Variants in ZPLD1 observed in about 807,000 individuals in gnomAD.
ZPLD1 encodes zona pellucida-like domain-containing protein 1.
Under a neutral mutation model 47.2 loss-of-function variants are expected in ZPLD1, and 34 were observed. The ratio of observed to expected loss-of-function variants is 0.72; its 90% CI spans 0.55 to 0.96. The LOEUF is 0.96. Among genes scored for constraint, ZPLD1 ranks in the 40% least tolerant of loss-of-function variants. The probability of loss-of-function intolerance (pLI) is 0.00; values close to 1 mark genes in which losing one functional copy is unlikely to be tolerated. For missense variants in ZPLD1, 512 were observed against 505.8 expected, an observed-to-expected ratio of 1.01 and a Z score of -0.12; for synonymous variants, 176 against 186.2, an observed-to-expected ratio of 0.95 and a Z score of 0.45.
chr3:102,391,036 T>C (rs1253129408), intron 6 of ZPLD1, among the ~76,000 whole-genome samples: 2 of 152,156 alleles, frequency 1.3e-5, no homozygotes, highest in East Asian at 1.9e-4. Context: ...GGAAATGATA[T>C]GTTTAACACA....
chr3:102,405,504 G>A (rs966581361), intron 7 of ZPLD1, among the ~76,000 whole-genome samples: 1 of 151,974 alleles, frequency 6.6e-6, no homozygotes, highest in Non-Finnish European at 1.5e-5. Flanking sequence ...AGGTCATGTG[G>A]TATAAGGAAC....
At chr3:102,471,158 G>A (rs1200998108) in intron 10 of ZPLD1, among the ~76,000 whole-genome samples, 4 of 152,128 alleles carry the variant, frequency 2.6e-5, no homozygotes, top group Non-Finnish European at 5.9e-5. Flanking sequence ...TAATTTGAGT[G>A]CGCTGCAGCC....
intron 8 of ZPLD1, among the ~76,000 whole-genome samples, chr3:102,421,600 A>G (rs970596492): frequency 2.0e-5 from 3 of 151,906 alleles, no homozygotes; most frequent in African/African-American, 7.2e-5. Context: ...ATTTTCTAAA[A>G]TTATTTATCA....
At chr3:102,460,524 A>G (rs189281091) in intron 6 of ZPLD1, among the ~76,000 whole-genome samples, 177 of 152,140 alleles carry the variant, frequency 1.2e-3, no homozygotes, top group Non-Finnish European at 1.9e-3. Context: ...GCCTTTGTGT[A>G]TTGGAATTCT....
At chr3:102,460,988 T>C (rs568307209) in intron 6 of ZPLD1, among the ~76,000 whole-genome samples, 2 of 152,090 alleles carry the variant, frequency 1.3e-5, no homozygotes, top group African/African-American at 4.8e-5. Flanking sequence ...CACCAAAATA[T>C]AGAAAACAAA....
In ZPLD1 at chr3:102,443,422, G is replaced by A. The variant is rs1707210980; in HGVS notation, c.106+4829G>A. ...TGAGGATATACATTTGTTAAATATT[G>A]CAAATCTGCAAATTAATAGAGATTC... On this transcript the variant is annotated intron_variant, in intron 3 of 11. Coordinates refer to ENST00000466937, the MANE Select transcript of ZPLD1 (RefSeq NM_001329788.2). 2.0e-5 allele frequency among the ~76,000 whole-genome samples: 3 copies of A among 152,012 alleles called. No individual in the cohort carries two copies. The South Asian group carries it at 6.2e-4, about 32-fold the overall frequency.
At chr3:102,443,963 A>G (rs953527844) in intron 3 of ZPLD1, among the ~76,000 whole-genome samples, 4 of 152,260 alleles carry the variant, frequency 2.6e-5, no homozygotes, top group African/African-American at 9.6e-5. Flanking sequence ...AATTACTACA[A>G]CAGATGAGGC....
intron 10 of ZPLD1, among the ~76,000 whole-genome samples, chr3:102,475,250 C>T (rs768011055): frequency 1.3e-5 from 2 of 151,942 alleles, no homozygotes; most frequent in Admixed American, 1.3e-4. Context: ...TTGTCCACAG[C>T]GAAGTCCTCA....
At chr3:102,467,836 T>TACACACACACACACACACAC (rs61096565) in intron 8 of ZPLD1, among the ~76,000 whole-genome samples, 1 of 140,900 alleles carries the variant, frequency 7.1e-6, no homozygotes. Flanking sequence ...AATAAAACTG[T>TACACACACACACACACACAC]ACACACACAC....
At chr3:102,386,915 G>A (rs1706430743) in intron 6 of ZPLD1, among the ~76,000 whole-genome samples, 1 of 152,136 alleles carries the variant, frequency 6.6e-6, no homozygotes, top group African/African-American at 2.4e-5. Flanking sequence ...GGCTGTCCCA[G>A]TTGTTATCTT....
intron 3 of ZPLD1, among the ~76,000 whole-genome samples, chr3:102,441,050 C>G (rs1707169210): frequency 6.6e-6 from 1 of 152,056 alleles, no homozygotes; most frequent in Non-Finnish European, 1.5e-5. Context: ...TGTTCAGTCC[C>G]TCAGTGTAGT....
chr3:102,469,925 C>A (rs1707655661), intron 9 of ZPLD1, among the ~76,000 whole-genome samples: 1 of 151,918 alleles, frequency 6.6e-6, no homozygotes, highest in Admixed American at 6.6e-5. Flanking sequence ...ATTTGAAATA[C>A]CATTAATATG....
chr3:102,454,605 C>G (rs953292030), intron 4 of ZPLD1, among the ~76,000 whole-genome samples: 9 of 152,194 alleles, frequency 5.9e-5, no homozygotes, highest in African/African-American at 2.2e-4. Context: ...CCTGTAATCC[C>G]AGCACTTTGT....
intron 6 of ZPLD1, among the ~76,000 whole-genome samples, chr3:102,391,703 G>A (rs960092053): frequency 2.6e-5 from 4 of 152,054 alleles, no homozygotes; most frequent in South Asian, 4.1e-4. Flanking sequence ...TTATGATGCA[G>A]CAGTCAGATA....
At chr3:102,400,880 T>G (rs1706612073) in intron 7 of ZPLD1, among the ~76,000 whole-genome samples, 1 of 152,050 alleles carries the variant, frequency 6.6e-6, no homozygotes, top group Non-Finnish European at 1.5e-5. Context: ...TAGTCTCCCT[T>G]TGGCCTATGA....
chr3:102,465,592 T>C (rs1707578328), intron 8 of ZPLD1, among the ~76,000 whole-genome samples: 1 of 152,184 alleles, frequency 6.6e-6, no homozygotes, highest in South Asian at 2.1e-4. Context: ...ACATTTCTCT[T>C]ATTTTCCCAA....
chr3:102,421,013 A>G (rs1005974385), intron 8 of ZPLD1, among the ~76,000 whole-genome samples: 3 of 151,930 alleles, frequency 2.0e-5, no homozygotes, highest in Non-Finnish European at 2.9e-5. Context: ...GAAAATGTCA[A>G]TGGCTTTGTT....
chr3:102,409,443 C>G (rs1005019959), intron 7 of ZPLD1, among the ~76,000 whole-genome samples: 1 of 151,760 alleles, frequency 6.6e-6, no homozygotes, highest in Admixed American at 6.6e-5. Context: ...AGGAGACATT[C>G]AAACCATAGC....
At chr3:102,445,355 T>A (rs1707241214) in intron 3 of ZPLD1, among the ~76,000 whole-genome samples, 1 of 152,218 alleles carries the variant, frequency 6.6e-6, no homozygotes. Flanking sequence ...AACCCCTTCA[T>A]GATTCTTGTC....
Sources: allele counts gnomAD v4.1 joint callset (sites outside exome capture counted in the v4.1 genomes callset), GRCh38; gene constraint gnomAD v4.1.1; transcripts MANE v1.5; gene names NCBI Gene and HGNC (gene_info 2026-07-23, HGNC 2026-07-21).